DZIP3: variants seen among roughly 807,000 people sequenced by gnomAD.
DZIP3 encodes the protein DAZ interacting zinc finger protein 3.
Under a neutral mutation model 162.0 loss-of-function variants are expected in DZIP3, and 118 were observed. That is an observed-to-expected ratio of 0.73 (90% CI 0.63 to 0.85). DZIP3 has a LOEUF of 0.85. Ranked by LOEUF, DZIP3 falls within the 40% of genes least tolerant of loss-of-function variation. The pLI is 0.00. For synonymous variants in DZIP3, 438 were observed against 458.6 expected (o/e 0.96, Z 0.57); for missense variants, 1,331 against 1,407.0 (o/e 0.95, Z 0.86).
chr3:108,613,705 A>G (rs1940847878), intron 4 of DZIP3, among the ~76,000 whole-genome samples: 1 of 152,192 alleles, frequency 6.6e-6, no homozygotes. Context: ...TTAAGTGCAC[A>G]CAGAACATTT....
At chr3:108,654,736 G>A (rs753717957) in intron 19 of DZIP3, among the ~76,000 whole-genome samples, 1 of 151,796 alleles carries the variant, frequency 6.6e-6, no homozygotes, top group African/African-American at 2.4e-5. Flanking sequence ...AAATATTGAT[G>A]TATAATCATT....
At chr3:108,609,203 A>C (rs1238934094) in intron 3 of DZIP3, among the ~76,000 whole-genome samples, 1 of 152,184 alleles carries the variant, frequency 6.6e-6, no homozygotes, top group African/African-American at 2.4e-5. Flanking sequence ...GGGTAGGCAC[A>C]TGTTTGCAGG....
In DZIP3 at chr3:108,662,171, A is replaced by G; in HGVS notation, c.2337A>G (p.Gln779=). 1 of 1,607,504 alleles carries G rather than the reference A, an allele frequency of 6.2e-7. No homozygotes were observed. The highest frequency in any genetic ancestry group is 8.5e-7 in the Non-Finnish European group (1 of 1,178,378). ...TGAGAACAGTGACTTTTCGGTGGCAAGAAAACCAAATGCAGATTAAAAAGA... is the reference window on the plus strand; with the variant it reads ...TGAGAACAGTGACTTTTCGGTGGCAGGAAAACCAAATGCAGATTAAAAAGA... ...RQLRTVTFRW[Q]ENQMQIKKKD... The change falls in exon 21 of 33, where the codon CAA becomes CAG. Residue 779 remains glutamine (Q), a synonymous_variant. Coordinates refer to ENST00000361582, the MANE Select transcript of DZIP3 (RefSeq NM_014648.4).
chr3:108,640,396 CTTTTTT>C (rs34733401), intron 12 of DZIP3, among the ~76,000 whole-genome samples: 1 of 101,872 alleles, frequency 9.8e-6, no homozygotes, highest in Non-Finnish European at 1.9e-5. Flanking sequence ...GAATTGTTAC[CTTTTTT>C]TTTTTTTTTT....
chr3:108,589,624 G>C, upstream of DZIP3: 1 of 367,724 alleles, frequency 2.7e-6, no homozygotes, highest in Non-Finnish European at 5.0e-6. Context: ...ACCCACCCTC[G>C]TCTGAGAGGC....
intron 26 of DZIP3, among the ~76,000 whole-genome samples, chr3:108,679,460 C>T (rs1185480003): frequency 6.6e-6 from 1 of 152,078 alleles, no homozygotes; most frequent in African/African-American, 2.4e-5. Flanking sequence ...CCTTTGCTAA[C>T]ATTCTGAGGG....
At chr3:108,657,223 A>C (rs1943173738) in intron 19 of DZIP3, among the ~76,000 whole-genome samples, 2 of 152,152 alleles carry the variant, frequency 1.3e-5, no homozygotes, top group Admixed American at 1.3e-4. Flanking sequence ...AAAAAATGTT[A>C]AGGGCAGCCA....
chr3:108,657,967 T>C lies in DZIP3; in HGVS notation c.2199+3657T>C, dbSNP rs369073167. Among the ~76,000 whole-genome samples the C allele has an allele frequency of 5.9e-5, 9 of 152,256 alleles. 1 individual carries two copies. Among genetic ancestry groups the C allele is most frequent in the Admixed American group, 4.6e-4 (7 of 15,288 alleles). On this transcript the variant is annotated intron_variant, in intron 19 of 32. Coordinates refer to ENST00000361582, the MANE Select transcript of DZIP3 (RefSeq NM_014648.4). ...ATCCTAAATATATATGCACCCAATA[T>C]AGGAGCACTCAGATTCATAAAGCAA...
At chr3:108,684,379 T>C in intron 27 of DZIP3, 38 bp downstream of exon 27, 1 of 1,593,802 alleles carries the variant, frequency 6.3e-7, no homozygotes, top group Non-Finnish European at 8.5e-7. Flanking sequence ...TTAATTAGTT[T>C]TTTTATTACT....
Position 108,625,835 on chromosome 3 carries a change from G to A in DZIP3, c.457-10G>A, listed in dbSNP as rs376945514. 26 of 1,568,654 alleles carry A rather than the reference G, an allele frequency of 1.7e-5. No individual in the cohort carries two copies. The highest frequency in any genetic ancestry group is 2.1e-5 in the Non-Finnish European group (24 of 1,161,654). On this transcript the variant is annotated splice_polypyrimidine_tract_variant and intron_variant, in intron 6 of 32. Transcript: ENST00000361582. Reference sequence around the variant, plus strand: ...TTACAGTAGCCAAACCTAGTTTTATGTTACTACAGGATTATACAGAAGCTG... The same window carrying A: ...TTACAGTAGCCAAACCTAGTTTTATATTACTACAGGATTATACAGAAGCTG...
chr3:108,662,406 A>ATT, intron 21 of DZIP3, 149 bp downstream of exon 21: 1 of 1,015,088 alleles, frequency 9.9e-7, no homozygotes, highest in East Asian at 3.0e-5. Flanking sequence ...AACCAACCAT[A>ATT]TTTTTGTCTT....
At chr3:108,632,056 T>C (rs1003698908) in intron 8 of DZIP3, among the ~76,000 whole-genome samples, 6 of 152,116 alleles carry the variant, frequency 3.9e-5, no homozygotes, top group African/African-American at 1.4e-4. Context: ...TGAAATAATT[T>C]CTAGAGGCTT....
In DZIP3 at chr3:108,686,458, C is replaced by T; in HGVS notation, c.3023C>T (p.Ala1008Val). ...QPRAPLMTGI[A>V]WALPAPVGDA... ...TGCCTCTTACAGATGACTGGCATAG[C>T]CTGGGCTCTGCCAGCGCCTGTGGGA... Residue 1008 changes from alanine to valine, a missense_variant, in exon 28 of 33, where the codon GCC (alanine) becomes GTC (valine). Transcript: ENST00000361582. The T allele has an allele frequency of 6.3e-7, 1 of 1,594,448 alleles. No individual in the cohort carries two copies. Among genetic ancestry groups the T allele is most frequent in the Non-Finnish European group, 8.5e-7 (1 of 1,172,884 alleles).
At chr3:108,656,229 C>A (rs1013853005) in intron 19 of DZIP3, among the ~76,000 whole-genome samples, 6 of 152,242 alleles carry the variant, frequency 3.9e-5, no homozygotes, top group African/African-American at 1.4e-4. Flanking sequence ...AGTAGCCTAA[C>A]TGGGTGGCAT....
At chr3:108,690,970 A>C (rs1944670097) in intron 32 of DZIP3, 67 bp downstream of exon 32, 1 of 1,352,668 alleles carries the variant, frequency 7.4e-7, no homozygotes, top group South Asian at 1.2e-5. Flanking sequence ...GAGTGGTGTA[A>C]AACTATGTGC....
At chr3:108,645,647 A>G (rs1373132344) in intron 14 of DZIP3, among the ~76,000 whole-genome samples, 1 of 152,188 alleles carries the variant, frequency 6.6e-6, no homozygotes, top group Non-Finnish European at 1.5e-5. Flanking sequence ...AGCCTAATGA[A>G]CAACTGATAA....
chr3:108,637,467 G>T, intron 11 of DZIP3, 29 bp from the exon 12 acceptor site: 1 of 1,604,272 alleles, frequency 6.2e-7, no homozygotes, highest in East Asian at 2.3e-5. Context: ...AACTACTTTA[G>T]GGCTATTTTT....
At chr3:108,672,527 A>C (rs1296304467) in intron 22 of DZIP3, 33 bp from the exon 23 acceptor site, 1 of 1,544,496 alleles carries the variant, frequency 6.5e-7, no homozygotes, top group Non-Finnish European at 8.9e-7. Context: ...GCTTGATGTA[A>C]TATTGCGAGT....
intron 24 of DZIP3, 139 bp from the exon 25 acceptor site, chr3:108,675,647 C>T: frequency 1.8e-6 from 1 of 561,242 alleles, no homozygotes; most frequent in Non-Finnish European, 3.0e-6. Context: ...CTCTTTATGT[C>T]CATTTGAAGT....
Sources: allele counts gnomAD v4.1 joint callset (sites outside exome capture counted in the v4.1 genomes callset), GRCh38; gene constraint gnomAD v4.1.1; transcripts MANE v1.5; gene names NCBI Gene and HGNC (gene_info 2026-07-23, HGNC 2026-07-21).